The following STX3 variants were observed in gnomAD, a reference collection of about 807,000 sequenced individuals.
STX3 encodes the protein syntaxin-3.
Under a neutral mutation model 40.2 loss-of-function variants are expected in STX3, and 19 were observed. That is an observed-to-expected ratio of 0.47 (90% CI 0.33 to 0.69). STX3 has a LOEUF of 0.69. Among genes scored for constraint, STX3 ranks in the 30% least tolerant of loss-of-function variants. The pLI is 0.02. For missense variants in STX3, 364 were observed against 366.7 expected (o/e 0.99, Z 0.06); for synonymous variants, 122 against 132.2 (o/e 0.92, Z 0.53).
chr11:59,792,183 G>C lies in STX3; in HGVS notation c.434G>C (p.Ser145Thr), dbSNP rs1406084828. The change falls in exon 6 of 11, where the codon AGC becomes ACC. Residue 145 changes from serine (S) to threonine (T), a missense_variant. Coordinates refer to ENST00000337979, the MANE Select transcript of STX3 (RefSeq NM_004177.5). ...GCTCAAGTGGACTTCCGAGAACGCAGCAAAGGGCGAATCCAGCGGCAGCTC... is the reference window on the plus strand; with the variant it reads ...GCTCAAGTGGACTTCCGAGAACGCACCAAAGGGCGAATCCAGCGGCAGCTC... ...NEAQVDFRER[S>T]KGRIQRQLEI... 1.2e-6 allele frequency: 2 copies of C among 1,614,042 alleles called. No individual in the cohort carries two copies. The highest frequency in any genetic ancestry group is 2.7e-5 in the African/African-American group (2 of 75,042).
chr11:59,784,715 A>T (rs910498764), intron 2 of STX3, among the ~76,000 whole-genome samples: 1 of 152,202 alleles, frequency 6.6e-6, no homozygotes, highest in Non-Finnish European at 1.5e-5. Context: ...GAGACTTACT[A>T]TCATGAGAAC....
rs1865901018 is a variant in STX3 at position 59,801,886 on chromosome 11, A to G, written c.*1062A>G. The G allele has an allele frequency of 1.0e-6, 1 of 985,432 alleles. No homozygotes were observed. Among genetic ancestry groups the G allele is most frequent in the African/African-American group, 1.7e-5 (1 of 57,238 alleles). 61.0% of individuals were successfully genotyped at this position (985,432 alleles called of 1,614,324 possible). A position where few individuals can be genotyped will look rare whatever the true frequency, so the allele number is the denominator to read the frequency against. On this transcript the variant is annotated 3_prime_UTR_variant, in exon 11 of 11. Transcript: ENST00000337979. ...GGTAAAGGACATTTGCTTACCTGCAAATGAATCACTGTGGAAATGTGATCT... is the reference window on the plus strand; with the variant it reads ...GGTAAAGGACATTTGCTTACCTGCAGATGAATCACTGTGGAAATGTGATCT...
chr11:59,759,642 C>CT (rs1452500109), intron 1 of STX3, among the ~76,000 whole-genome samples: 3 of 152,150 alleles, frequency 2.0e-5, no homozygotes, highest in Non-Finnish European at 4.4e-5. Flanking sequence ...TGTAATGGCC[C>CT]TTCAAAGACC....
At chr11:59,782,514 G>A (rs1303805276) in intron 2 of STX3, among the ~76,000 whole-genome samples, 2 of 152,178 alleles carry the variant, frequency 1.3e-5, no homozygotes, top group African/African-American at 4.8e-5. Flanking sequence ...AAACTCTAAA[G>A]TGGGAGTTGT....
intron 4 of STX3, among the ~76,000 whole-genome samples, chr11:59,789,395 C>G (rs1427588980): frequency 6.6e-6 from 1 of 151,826 alleles, no homozygotes; most frequent in Non-Finnish European, 1.5e-5. Context: ...ACGCACCTGG[C>G]CCATCAACTT....
In STX3 at chr11:59,800,969, C is replaced by G. The variant is rs1001005223; in HGVS notation, c.*145C>G. On this transcript the variant is annotated 3_prime_UTR_variant, in exon 11 of 11. Coordinates refer to ENST00000337979, the MANE Select transcript of STX3 (RefSeq NM_004177.5). ...GTTCCTTTGTTTCCTTGCAACCACC[C>G]TTGGACCTGACTCAGCTAACAATCT... The G allele has an allele frequency of 2.0e-6, 3 of 1,534,776 alleles. No individual in the cohort carries two copies. Among genetic ancestry groups the G allele is most frequent in the Non-Finnish European group, 2.6e-6 (3 of 1,146,060 alleles).
chr11:59,773,414 G>T lies in STX3; in HGVS notation c.114+120G>T, dbSNP rs917957598. 9.3e-5 allele frequency: 80 copies of T among 860,412 alleles called. No homozygotes were observed. In the Middle Eastern group the frequency reaches 1.2e-3, roughly 12 times the overall value. 53.3% of individuals were successfully genotyped at this position (860,412 alleles called of 1,614,324 possible). A position where few individuals can be genotyped will look rare whatever the true frequency, so the allele number is the denominator to read the frequency against. The stretch of plus-strand genomic sequence containing the variant: ...AGGAAGGTCACAGTTTTTTGCTAGG[G>T]TGGGATGGCCAGACAAAGAAATTAA... On this transcript the variant is annotated intron_variant, in intron 2 of 10. Transcript: ENST00000337979.
In STX3 at chr11:59,769,373, G is replaced by A. The variant is rs990108645; in HGVS notation, c.31-3838G>A. Among the ~76,000 whole-genome samples, 7 of 152,278 alleles carry A rather than the reference G, an allele frequency of 4.6e-5. No individual in the cohort carries two copies. The East Asian group carries it at 5.8e-4, about 13-fold the overall frequency. On this transcript the variant is annotated intron_variant, in intron 1 of 10. Transcript: ENST00000337979. The stretch of plus-strand genomic sequence containing the variant: ...TTTCAGCGGGGCAGCGGGGTTAGGC[G>A]CTGATGTATGCCTGGTATTGTGCTT...
At chr11:59,770,018 AGTGT>A (rs751070205) in intron 1 of STX3, among the ~76,000 whole-genome samples, 1 of 135,366 alleles carries the variant, frequency 7.4e-6, no homozygotes, top group African/African-American at 2.8e-5. Flanking sequence ...GTATGTGTGG[AGTGT>A]GTGTGTGTGG....
chr11:59,788,287 C>G (rs1864901686), intron 3 of STX3, among the ~76,000 whole-genome samples: 1 of 152,164 alleles, frequency 6.6e-6, no homozygotes, highest in South Asian at 2.1e-4. Flanking sequence ...CCTTTGTCTC[C>G]CACTAGACTC....
Position 59,761,732 on chromosome 11 carries a change from A to G in STX3, c.30+6097A>G, listed in dbSNP as rs946923747. On this transcript the variant is annotated intron_variant, in intron 1 of 10. Coordinates refer to ENST00000337979, the MANE Select transcript of STX3 (RefSeq NM_004177.5). ...CCATCTGGAAACTGAGTGAAGTTCA[A>G]CCCCCCACCTAAAGAGATTAGTGGA... is the stretch of plus-strand genomic sequence containing the variant. 2.6e-5 allele frequency among the ~76,000 whole-genome samples: 4 copies of G among 151,858 alleles called. No homozygotes were observed. In the East Asian group the frequency reaches 5.8e-4, roughly 22 times the overall value.
At chr11:59,773,529 A>C (rs1322971387) in intron 2 of STX3, among the ~76,000 whole-genome samples, 1 of 152,214 alleles carries the variant, frequency 6.6e-6, no homozygotes, top group Non-Finnish European at 1.5e-5. Flanking sequence ...AATTGAAGAG[A>C]TGCTTTTAAA....
intron 3 of STX3, among the ~76,000 whole-genome samples, chr11:59,787,772 T>C (rs1864869038): frequency 6.6e-6 from 1 of 152,212 alleles, no homozygotes; most frequent in Admixed American, 6.5e-5. Flanking sequence ...TTTCCTGATA[T>C]CTGCCACTAC....
intron 1 of STX3, among the ~76,000 whole-genome samples, chr11:59,755,869 C>T (rs141115967): frequency 4.8e-4 from 73 of 152,334 alleles, no homozygotes; most frequent in Middle Eastern, 3.4e-3. Flanking sequence ...AACTCTCCCA[C>T]CCCGCAAGCT....
In STX3 at chr11:59,772,974, A is replaced by AAACACACACACAC. The variant is rs1554996770; in HGVS notation, c.31-236_31-235insACACACACACACA. On this transcript the variant is annotated intron_variant, in intron 1 of 10. Coordinates refer to ENST00000337979, the MANE Select transcript of STX3 (RefSeq NM_004177.5). ...TTCTCACCCCTCACCCCCTGAAAGA[A>AAACACACACACAC]ACACACACACACACACACACACACA... 8.5e-3 allele frequency among the ~76,000 whole-genome samples: 1,200 copies of AAACACACACACAC among 140,666 alleles called. 14 individuals are homozygous for AAACACACACACAC. Among genetic ancestry groups the AAACACACACACAC allele is most frequent in the African/African-American group, 0.019 (732 of 37,902 alleles). 92.3% of individuals were successfully genotyped at this position (140,666 alleles called of 152,430 possible). A position where few individuals can be genotyped will look rare whatever the true frequency, so the allele number is the denominator to read the frequency against.
intron 10 of STX3, among the ~76,000 whole-genome samples, chr11:59,798,892 A>AT (rs1047681755): frequency 2.1e-4 from 31 of 148,182 alleles, no homozygotes; most frequent in African/African-American, 5.2e-4. Context: ...AAAACAAACA[A>AT]TTTTTTTTTG....
At position 59,770,321 on chromosome 11, in the gene STX3, G is replaced by A. The variant is rs145737284; in HGVS notation, c.31-2890G>A. 7.4e-3 allele frequency among the ~76,000 whole-genome samples: 1,088 copies of A among 146,990 alleles called. 22 individuals carry two copies. Among genetic ancestry groups the A allele is most frequent in the African/African-American group, 0.026 (1,018 of 39,848 alleles). ...TGTAGGGTGTGTGTTTATATGTAGC[G>A]TGTGTGTATATGGGGTGTGGGTGGG... On this transcript the variant is annotated intron_variant, in intron 1 of 10. Transcript: ENST00000337979.
intron 10 of STX3, among the ~76,000 whole-genome samples, chr11:59,797,710 A>C (rs1286496240): frequency 6.6e-6 from 1 of 152,184 alleles, no homozygotes; most frequent in Non-Finnish European, 1.5e-5. Context: ...CATGCTTCTA[A>C]GTTGGGTACA....
intron 2 of STX3, among the ~76,000 whole-genome samples, chr11:59,786,145 C>T (rs1864755014): frequency 6.6e-6 from 1 of 152,130 alleles, no homozygotes; most frequent in Admixed American, 6.6e-5. Context: ...AGTACAAGAA[C>T]ATATGTGTCC....
Sources: allele counts gnomAD v4.1 joint callset (sites outside exome capture counted in the v4.1 genomes callset), GRCh38; gene constraint gnomAD v4.1.1; transcripts MANE v1.5; gene names NCBI Gene and HGNC (gene_info 2026-07-23, HGNC 2026-07-21).